NDUFA8: variants seen among roughly 807,000 people sequenced by gnomAD.
NDUFA8 encodes the protein NADH:ubiquinone oxidoreductase subunit A8.
NDUFA8 carries 16 observed loss-of-function variants against 20.9 expected under a neutral mutation model. That is an observed-to-expected ratio of 0.77 (90% CI 0.52 to 1.16). NDUFA8 has a LOEUF of 1.16. Ranked by LOEUF, NDUFA8 falls within the 50% of genes most tolerant of loss-of-function variation. NDUFA8 has a pLI of 0.00. For synonymous variants in NDUFA8, 70 were observed against 76.1 expected (o/e 0.92, Z 0.41); for missense variants, 202 against 216.4 (o/e 0.93, Z 0.42).
At chr9:122,153,191 C>T (rs1207078077) in intron 1 of NDUFA8, among the ~76,000 whole-genome samples, 2 of 150,890 alleles carry the variant, frequency 1.3e-5, no homozygotes, top group Non-Finnish European at 2.9e-5. Context: ...TGCTTGAACC[C>T]AGGAGGCAGA....
At chr9:122,134,165 G>A in the NDUFA8 span, among the ~76,000 whole-genome samples, 68,491 of 152,104 alleles carry the variant, frequency 0.45, 17,922 homozygotes, top group Middle Eastern at 0.62. Flanking sequence ...CGCTTGGCAC[G>A]TGGTAGGCTT....
In NDUFA8 at chr9:122,152,570, T is replaced by TTG. The variant is rs1178137021; in HGVS notation, c.52-163_52-162insCA. On this transcript the variant is annotated intron_variant, in intron 1 of 3. Coordinates refer to ENST00000373768, the MANE Select transcript of NDUFA8 (RefSeq NM_014222.3). ...CATAATAATAATTTTTTTTTTTTTT[T>TTG]TTGAGACAGGGTTTCACTCCCATTC... Among the ~76,000 whole-genome samples, 502 of 151,736 alleles carry TTG rather than the reference T, an allele frequency of 3.3e-3. 4 individuals carry two copies. The highest frequency in any genetic ancestry group is 9.8e-3 in the African/African-American group (405 of 41,356).
downstream of NDUFA8, among the ~76,000 whole-genome samples, chr9:122,142,090 C>T (rs1185591763): frequency 2.0e-5 from 3 of 152,200 alleles, no homozygotes; most frequent in Admixed American, 1.3e-4. Flanking sequence ...CTCAGAAAGA[C>T]GGTATGGTTT....
intron 1 of NDUFA8, among the ~76,000 whole-genome samples, chr9:122,158,611 C>T (rs1829115582): frequency 1.3e-5 from 2 of 151,870 alleles, no homozygotes; most frequent in South Asian, 2.1e-4. Flanking sequence ...ATCATTTCTA[C>T]TCTCGGGGAC....
chr9:122,137,612 A>G, the NDUFA8 span, among the ~76,000 whole-genome samples: 1 of 152,218 alleles, frequency 6.6e-6, no homozygotes, highest in Non-Finnish European at 1.5e-5. Context: ...TTCAAATGTC[A>G]GTGTGGGTGA....
chr9:122,148,977 T>A (rs1307357920), intron 2 of NDUFA8, among the ~76,000 whole-genome samples: 1 of 152,160 alleles, frequency 6.6e-6, no homozygotes, highest in Non-Finnish European at 1.5e-5. Context: ...TAAGTTTCAG[T>A]TTTTTGCAAA....
intron 1 of NDUFA8, among the ~76,000 whole-genome samples, chr9:122,158,641 C>G (rs763250185): frequency 1.4e-4 from 21 of 151,614 alleles, no homozygotes; most frequent in Non-Finnish European, 1.3e-4. Flanking sequence ...ATTTATAACG[C>G]TACGACCAAT....
At chr9:122,147,617 A>ATTTTTTTTTTTT (rs34576446) in intron 3 of NDUFA8, among the ~76,000 whole-genome samples, 2 of 106,762 alleles carry the variant, frequency 1.9e-5, no homozygotes, top group Admixed American at 1.2e-4. Context: ...GCCTAAAGAA[A>ATTTTTTTTTTTT]TTTTTTTTTT....
the NDUFA8 span, chr9:122,133,050 C>T: frequency 4.4e-6 from 2 of 455,992 alleles, no homozygotes; most frequent in Non-Finnish European, 8.8e-6. Flanking sequence ...CTAATCCTCA[C>T]AACCACTCTG....
intron 3 of NDUFA8, among the ~76,000 whole-genome samples, chr9:122,147,400 A>G (rs1828919578): frequency 6.6e-6 from 1 of 152,222 alleles, no homozygotes; most frequent in South Asian, 2.1e-4. Context: ...CACTTTTAAA[A>G]GTACAAGAAT....
intron 3 of NDUFA8, among the ~76,000 whole-genome samples, chr9:122,147,727 C>T (rs1397042521): frequency 6.8e-6 from 1 of 147,958 alleles, no homozygotes; most frequent in Non-Finnish European, 1.5e-5. Flanking sequence ...CCCGGGTTCA[C>T]ACCATTCTCC....
chr9:122,140,073 T>A, downstream of NDUFA8, among the ~76,000 whole-genome samples: 1 of 152,230 alleles, frequency 6.6e-6, no homozygotes, highest in South Asian at 2.1e-4. Flanking sequence ...TTCCAATGTG[T>A]ATCCAATGCT....
chr9:122,151,029 A>C (rs12686688), intron 2 of NDUFA8, among the ~76,000 whole-genome samples: 56,501 of 149,796 alleles, frequency 0.38, 13,544 homozygotes, highest in Middle Eastern at 0.55. Context: ...AACTTCGAAG[A>C]GTGTTTCCAA....
the NDUFA8 span, among the ~76,000 whole-genome samples, chr9:122,135,844 C>T: frequency 1.3e-5 from 2 of 152,226 alleles, no homozygotes; most frequent in Non-Finnish European, 2.9e-5. Context: ...CCACCTTGGC[C>T]TTCCGAAGTG....
chr9:122,152,281 C>T lies in NDUFA8; in HGVS notation c.179G>A (p.Gly60Asp). ...CAAAGCACACTTGTTGACCAGTTTG[C>T]CTTCCTCTAAACACCGCCTCGGATC... The part of the protein sequence containing the change: ...EKDPRRCLEE[G>D]KLVNKCALDF... The change falls in exon 2 of 4, where the codon GGC (glycine) becomes GAC (aspartate). Residue 60 changes from glycine (G) to aspartate (D), a missense_variant. By Grantham distance (94) the Gly-to-Asp change is moderately conservative. Coordinates refer to ENST00000373768, the MANE Select transcript of NDUFA8 (RefSeq NM_014222.3). 6 of 1,614,204 alleles carry T rather than the reference C, an allele frequency of 3.7e-6. No homozygotes were observed. Among genetic ancestry groups the T allele is most frequent in the Non-Finnish European group, 5.1e-6 (6 of 1,180,044 alleles).
intron 1 of NDUFA8, 22 bp downstream of exon 1, chr9:122,159,605 C>T: frequency 6.2e-7 from 1 of 1,614,074 alleles, no homozygotes; most frequent in Non-Finnish European, 8.5e-7. Flanking sequence ...GTCTCCCTTG[C>T]CTGTCCTCCG....
In NDUFA8 at chr9:122,159,752, C is replaced by CGCCG. The variant is rs1829156619; in HGVS notation, c.-79_-76dup. ...CGTCTCCTTGAACTCCCCTTTCGAC[C>CGCCG]GCCGAGTGCCACACGGCGCCTGCGC... On this transcript the variant is annotated 5_prime_UTR_variant, in exon 1 of 4. It removes the in-frame stop codon of an upstream open reading frame in the 5' UTR. Coordinates refer to ENST00000373768, the MANE Select transcript of NDUFA8 (RefSeq NM_014222.3). 1 of 1,604,168 alleles carries CGCCG rather than the reference C, an allele frequency of 6.2e-7. No homozygotes were observed. Among genetic ancestry groups the CGCCG allele is most frequent in the African/African-American group, 1.3e-5 (1 of 74,762 alleles).
At chr9:122,152,553 T>TA (rs1013291723) in intron 1 of NDUFA8, 145 bp from the exon 2 acceptor site, 24 of 618,858 alleles carry the variant, frequency 3.9e-5, no homozygotes, top group Admixed American at 1.2e-4. Context: ...GTCATAATAA[T>TA]AATTTTTTTT....
Position 122,153,266 on chromosome 9 carries a change from C to CAA in NDUFA8, c.52-860_52-859dup, listed in dbSNP as rs71371923. On this transcript the variant is annotated intron_variant, in intron 1 of 3. Transcript: ENST00000373768. ...GGGGTGACAGAGCAAGACTCTGTCTCAAAAAAAAAAAAAATTAAATTAAAT... is the reference window on the plus strand; with the variant it reads ...GGGGTGACAGAGCAAGACTCTGTCTCAAAAAAAAAAAAAAAATTAAATTAAAT... 8.7e-4 allele frequency among the ~76,000 whole-genome samples: 105 copies of CAA among 120,512 alleles called. 3 individuals are homozygous for CAA. In the South Asian group the frequency reaches 9.0e-3, roughly 10 times the overall value. 79.1% of individuals were successfully genotyped at this position (120,512 alleles called of 152,430 possible). A position where few individuals can be genotyped will look rare whatever the true frequency, so the allele number is the denominator to read the frequency against.
Sources: gnomAD v4.1 joint callset for allele counts (sites outside exome capture counted in the v4.1 genomes callset) on GRCh38, gnomAD v4.1.1 for gene constraint, MANE v1.5 for transcripts, NCBI Gene and HGNC (gene_info 2026-07-23, HGNC 2026-07-21) for gene names.